The following MCC variants were observed in gnomAD, a reference collection of about 807,000 sequenced individuals.
MCC encodes the protein MCC regulator of Wnt signaling pathway, also known as colorectal mutant cancer protein.
A neutral mutation model predicts 116.2 loss-of-function variants in MCC; 90 were observed. The ratio of observed to expected loss-of-function variants is 0.77; its 90% CI spans 0.65 to 0.92. The LOEUF (loss-of-function observed/expected upper bound fraction) is 0.92, where lower values mean the gene tolerates loss of function less well. Ranked by LOEUF, MCC falls within the 40% of genes least tolerant of loss-of-function variation. The pLI is 0.00. For synonymous variants in MCC, 578 were observed against 510.5 expected, an observed-to-expected ratio of 1.13 and a Z score of -1.78; for missense variants, 1,516 against 1,312.2, an observed-to-expected ratio of 1.16 and a Z score of -2.40.
At chr5:113,185,371 G>C (rs75347812) in intron 3 of MCC, among the ~76,000 whole-genome samples, 9,066 of 152,136 alleles carry the variant, frequency 0.06, 657 homozygotes, top group African/African-American at 0.17. Flanking sequence ...CATACAAATT[G>C]TTCTGACCAG....
At chr5:113,425,980 A>G (rs1357652304) in intron 1 of MCC, among the ~76,000 whole-genome samples, 1 of 152,006 alleles carries the variant, frequency 6.6e-6, no homozygotes, top group Non-Finnish European at 1.5e-5. Flanking sequence ...CGAGGGCGGA[A>G]CCCAGGCAGA....
chr5:113,045,954 T>C (rs1047519948), intron 16 of MCC, among the ~76,000 whole-genome samples: 2 of 152,136 alleles, frequency 1.3e-5, no homozygotes, highest in African/African-American at 4.8e-5. Context: ...CAACATTCAC[T>C]GTGTGACCCT....
At chr5:113,352,744 G>T (rs1030516108) in intron 2 of MCC, among the ~76,000 whole-genome samples, 1 of 152,036 alleles carries the variant, frequency 6.6e-6, no homozygotes. Context: ...AGATGAGGAA[G>T]GGGCTCCTTT....
intron 1 of MCC, among the ~76,000 whole-genome samples, chr5:113,467,199 T>C (rs1254973807): frequency 3.9e-5 from 6 of 151,944 alleles, no homozygotes; most frequent in Admixed American, 6.6e-5. Flanking sequence ...TTAGATCCCA[T>C]TTGTCAATTT....
intron 1 of MCC, chr5:113,433,462 T>G (rs1770730202): frequency 3.3e-6 from 2 of 612,110 alleles, no homozygotes; most frequent in Non-Finnish European, 5.9e-6. Context: ...GACCCTCTGC[T>G]GAGACAGGCT....
chr5:113,049,240 C>T lies in MCC; in HGVS notation c.2508G>A (p.Leu836=). ...CCTCCCGCGTGCTCAGCTTCAGCTC[C>T]AGGGCCTTCTTCTCTTTCTCCAGTA... ...LYLLEKEKKA[L]ELKLSTREAQ... is the part of the protein sequence containing the mutation. Residue 836 remains leucine, a synonymous_variant, in exon 16 of 19, where the codon CTG becomes CTA. Transcript: ENST00000408903. 6.2e-7 allele frequency: 1 copy of T among 1,613,404 alleles called. No homozygotes were observed. Among genetic ancestry groups the T allele is most frequent in the South Asian group, 1.1e-5 (1 of 90,864 alleles).
intron 6 of MCC, 141 bp from the exon 7 acceptor site, chr5:113,104,496 C>G: frequency 5.0e-6 from 3 of 603,384 alleles, no homozygotes; most frequent in Non-Finnish European, 8.3e-6. Context: ...CCTAACCTCA[C>G]AGGCACTGCC....
At chr5:113,224,925 A>G (rs1464658225) in intron 3 of MCC, among the ~76,000 whole-genome samples, 1 of 152,232 alleles carries the variant, frequency 6.6e-6, no homozygotes, top group East Asian at 1.9e-4. Context: ...TGGTATGTGG[A>G]CCATGATCTG....
intron 3 of MCC, among the ~76,000 whole-genome samples, chr5:113,201,054 G>A (rs1051044086): frequency 7.2e-5 from 11 of 152,188 alleles, no homozygotes; most frequent in South Asian, 6.2e-4. Flanking sequence ...AAAAAGCCTC[G>A]GATGTATCCA....
Position 113,481,334 on chromosome 5 carries a change from T to C in MCC, c.170+6911A>G, listed in dbSNP as rs566209732. Among the ~76,000 whole-genome samples, 7 of 152,328 alleles carry C rather than the reference T, an allele frequency of 4.6e-5. No homozygotes were observed. In the East Asian group the frequency reaches 7.7e-4, roughly 17 times the overall value. Reference sequence around the variant, plus strand: ...TAAAGTAATGGTTTGTCTTAGTCTTTGGCAACTTAGATTTAATGAAATTCT... The same window carrying C: ...TAAAGTAATGGTTTGTCTTAGTCTTCGGCAACTTAGATTTAATGAAATTCT... On this transcript the variant is annotated intron_variant, in intron 1 of 18. Coordinates refer to ENST00000408903, the MANE Select transcript of MCC (RefSeq NM_001085377.2).
At chr5:113,411,091 G>T (rs2150402706) in intron 1 of MCC, among the ~76,000 whole-genome samples, 1 of 152,276 alleles carries the variant, frequency 6.6e-6, no homozygotes, top group East Asian at 1.9e-4. Context: ...CTTCATAGCA[G>T]CATGATTTAT....
intron 3 of MCC, among the ~76,000 whole-genome samples, chr5:113,178,250 T>C (rs1310048434): frequency 6.6e-6 from 1 of 152,214 alleles, no homozygotes; most frequent in East Asian, 1.9e-4. Context: ...GTCCCTGTTA[T>C]GGAACCAGAT....
intron 3 of MCC, among the ~76,000 whole-genome samples, chr5:113,152,340 T>C (rs1285680792): frequency 6.6e-6 from 1 of 152,206 alleles, no homozygotes; most frequent in Non-Finnish European, 1.5e-5. Flanking sequence ...TTCAACACAC[T>C]GGTCCCAAAG....
chr5:113,057,611 C>T (rs1050500896), intron 14 of MCC, among the ~76,000 whole-genome samples: 10 of 152,228 alleles, frequency 6.6e-5, no homozygotes, highest in Admixed American at 1.3e-4. Flanking sequence ...AGCGCGCCCA[C>T]AGCAGAGGGC....
chr5:113,450,370 G>C (rs1771356393), intron 1 of MCC, among the ~76,000 whole-genome samples: 1 of 152,226 alleles, frequency 6.6e-6, no homozygotes, highest in African/African-American at 2.4e-5. Flanking sequence ...AGCTGCTGTG[G>C]AGTTAGCTAT....
intron 1 of MCC, among the ~76,000 whole-genome samples, chr5:113,471,134 T>C (rs1312438488): frequency 3.7e-5 from 1 of 27,134 alleles, no homozygotes; most frequent in Admixed American, 6.0e-4. Context: ...AATTTCCTCC[T>C]GTAACTCAGT....
chr5:113,295,021 G>C (rs139599255), intron 3 of MCC: 12 of 930,652 alleles, frequency 1.3e-5, no homozygotes, highest in African/African-American at 7.1e-5. Context: ...AGAAAAGGGT[G>C]GGGGCGAGTA....
intron 3 of MCC, among the ~76,000 whole-genome samples, chr5:113,332,769 C>T (rs1040720789): frequency 1.1e-4 from 17 of 151,526 alleles, no homozygotes; most frequent in Non-Finnish European, 2.2e-4. Flanking sequence ...AGTAACTTAC[C>T]GATCTTCTGC....
At chr5:113,235,653 A>G (rs887952037) in intron 3 of MCC, among the ~76,000 whole-genome samples, 1 of 152,216 alleles carries the variant, frequency 6.6e-6, no homozygotes. Context: ...TGATAAAACT[A>G]CACAAGGAGA....
Sources: allele counts gnomAD v4.1 joint callset (sites outside exome capture counted in the v4.1 genomes callset), GRCh38; gene constraint gnomAD v4.1.1; transcripts MANE v1.5; gene names NCBI Gene and HGNC (gene_info 2026-07-23, HGNC 2026-07-21).